Variants in MXRA7 observed in about 807,000 individuals in gnomAD.
MXRA7 encodes the protein matrix remodeling associated 7, also known as matrix-remodeling-associated protein 7.
A neutral mutation model predicts 17.4 loss-of-function variants in MXRA7; 18 were observed. That is an observed-to-expected ratio of 1.03 (90% CI 0.71 to 1.53). MXRA7 has a LOEUF of 1.53. Ranked by LOEUF, MXRA7 falls within the 40% of genes most tolerant of loss-of-function variation. The probability of loss-of-function intolerance (pLI) is 0.00; values close to 1 mark genes in which losing one functional copy is unlikely to be tolerated. For synonymous variants in MXRA7, 70 were observed against 101.7 expected (o/e 0.69, Z 1.87); for missense variants, 141 against 209.3 (o/e 0.67, Z 2.01).
At chr17:76,677,467 T>C, downstream of MXRA7, 1 of 665,250 alleles carries the variant, frequency 1.5e-6, no homozygotes, top group Non-Finnish European at 2.7e-6. Flanking sequence ...CTATAGAATG[T>C]ACGCCTGCAT....
intron 2 of MXRA7, among the ~76,000 whole-genome samples, chr17:76,686,996 G>A (rs1264908466): frequency 6.6e-6 from 1 of 152,148 alleles, no homozygotes; most frequent in Non-Finnish European, 1.5e-5. Flanking sequence ...CAGGGAGAGG[G>A]GTCTGCGAGC....
Position 76,710,786 on chromosome 17 carries a change from G to C in MXRA7, c.161C>G (p.Pro54Arg). Residue 54 changes from proline (P) to arginine (R), a missense_variant, in exon 1 of 4, where the codon CCG (proline) becomes CGG (arginine). Pro to Arg is a moderately radical substitution (Grantham distance 103). Coordinates refer to ENST00000449428, the MANE Select transcript of MXRA7 (RefSeq NM_198530.4). ...GGGGGCGCAGGGGCGGGACGGCGCC[G>C]GGGCCCCGGTGGCCTCGGCCGGGGG... is the stretch of plus-strand genomic sequence containing the variant. ...PAPPAEATGA[P>R]APSRPCAPEP... The C allele has an allele frequency of 1.1e-5, 11 of 980,438 alleles. No individual in the cohort carries two copies. The highest frequency in any genetic ancestry group is 1.8e-5 in the African/African-American group (1 of 56,488). 60.7% of individuals were successfully genotyped at this position (980,438 alleles called of 1,614,324 possible).
At chr17:76,700,625 C>T (rs942287141) in intron 1 of MXRA7, among the ~76,000 whole-genome samples, 8 of 152,186 alleles carry the variant, frequency 5.3e-5, no homozygotes, top group Admixed American at 3.3e-4. Flanking sequence ...GGCATTGTGG[C>T]GTATTTATTC....
rs1367894286 is a variant in MXRA7 at position 76,707,318 on chromosome 17, T to C, written c.342+3287A>G. Among the ~76,000 whole-genome samples, 4 of 85,706 alleles carry C rather than the reference T, an allele frequency of 4.7e-5. No individual in the cohort carries two copies. The East Asian group carries it at 1.2e-3, about 25-fold the overall frequency. 56.2% of individuals were successfully genotyped at this position (85,706 alleles called of 152,430 possible). ...TTTTTTTTTTTTTTTTTTTTTTTTT[T>C]TTTTGAGATGGAGTCTCGTTCTGTT... On this transcript the variant is annotated intron_variant, in intron 1 of 3. Transcript: ENST00000449428.
rs56067261 is a variant in MXRA7 at position 76,707,291 on chromosome 17, CTTTTTTTTTTTTTTTTT to C, written c.342+3297_342+3313del. ...CACTGCCTTGCAGGAAGTCCCTACTCTTTTTTTTTTTTTTTTTTTTTTTTTTTTTTTGAGATGGAGTC... is the reference window on the plus strand; with the variant it reads ...CACTGCCTTGCAGGAAGTCCCTACTCTTTTTTTTTTTTTTGAGATGGAGTC... On this transcript the variant is annotated intron_variant, in intron 1 of 3. Coordinates refer to ENST00000449428, the MANE Select transcript of MXRA7 (RefSeq NM_198530.4). Among the ~76,000 whole-genome samples the C allele has an allele frequency of 4.6e-4, 44 of 96,132 alleles. No homozygotes were observed. The South Asian group carries it at 0.013, about 29-fold the overall frequency. 63.1% of individuals were successfully genotyped at this position (96,132 alleles called of 152,430 possible).
intron 3 of MXRA7, chr17:76,683,710 G>A: frequency 1.5e-6 from 1 of 648,146 alleles, no homozygotes. Context: ...AGAATGAGAA[G>A]GGCTCAGGTG....
At chr17:76,698,040 G>A (rs963957897) in intron 1 of MXRA7, among the ~76,000 whole-genome samples, 3 of 152,184 alleles carry the variant, frequency 2.0e-5, no homozygotes, top group Non-Finnish European at 4.4e-5. Flanking sequence ...GTGGGGCAGT[G>A]CAAAGAAGGT....
At chr17:76,709,284 T>C (rs1483239369) in intron 1 of MXRA7, among the ~76,000 whole-genome samples, 1 of 151,914 alleles carries the variant, frequency 6.6e-6, no homozygotes, top group Non-Finnish European at 1.5e-5. Context: ...GAATCCCAAA[T>C]ATGGGAGCAA....
At chr17:76,674,012 C>G (rs1352688494) in exon 4 of MXRA7, 1 of 152,384 alleles carries the variant, frequency 6.6e-6, no homozygotes, top group Non-Finnish European at 1.5e-5. Context: ...GCAGGCCAGC[C>G]TGGGGCAGGG....
At chr17:76,688,003 A>ACCCCCCC in intron 2 of MXRA7, 110 bp downstream of exon 2, 1 of 641,514 alleles carries the variant, frequency 1.6e-6, no homozygotes, top group South Asian at 1.7e-5. Flanking sequence ...CCACTGTCCC[A>ACCCCCCC]CCCCATCCCT....
chr17:76,692,998 A>T (rs1412352447), intron 1 of MXRA7, among the ~76,000 whole-genome samples: 1 of 142,066 alleles, frequency 7.0e-6, no homozygotes, highest in Non-Finnish European at 1.6e-5. Flanking sequence ...AGACACTAGC[A>T]CATGCGGAGA....
chr17:76,701,925 A>G (rs2076595975), intron 1 of MXRA7, among the ~76,000 whole-genome samples: 1 of 152,208 alleles, frequency 6.6e-6, no homozygotes, highest in Admixed American at 6.5e-5. Flanking sequence ...GCAAGTTCCT[A>G]CAAAGAGGAT....
chr17:76,678,874 A>G (rs1182535116), downstream of MXRA7, among the ~76,000 whole-genome samples: 2 of 151,902 alleles, frequency 1.3e-5, no homozygotes, highest in Non-Finnish European at 2.9e-5. Context: ...CTAGAGCAGC[A>G]TCTAGTAGTT....
chr17:76,704,362 C>T (rs113709632), intron 1 of MXRA7, among the ~76,000 whole-genome samples: 68,412 of 149,706 alleles, frequency 0.46, 15,717 homozygotes, highest in Admixed American at 0.48. Context: ...CCCGCCACCA[C>T]GCCCGGCTAA....
chr17:76,688,012 C>CCCCCCCCCG, intron 2 of MXRA7, 101 bp downstream of exon 2: 2 of 945,712 alleles, frequency 2.1e-6, no homozygotes, highest in Non-Finnish European at 1.6e-6. Context: ...CACCCCATCC[C>CCCCCCCCCG]TCCCCTCGGC....
chr17:76,688,943 G>A (rs748672494), intron 1 of MXRA7: 35 of 246,596 alleles, frequency 1.4e-4, no homozygotes, highest in Admixed American at 4.4e-4. Context: ...AGCCAGCGTC[G>A]GCCGCTCACG....
chr17:76,689,049 G>A (rs1273210512), intron 1 of MXRA7: 3 of 160,670 alleles, frequency 1.9e-5, no homozygotes, highest in South Asian at 2.0e-4. Flanking sequence ...GGGGCCTTGA[G>A]CTCCTCTGAG....
downstream of MXRA7, chr17:76,676,369 A>G (rs866142759): frequency 4.6e-5 from 7 of 152,224 alleles, no homozygotes; most frequent in Non-Finnish European, 8.8e-5. Context: ...TAAAGTAAGT[A>G]TCCTGCTTAA....
intron 2 of MXRA7, among the ~76,000 whole-genome samples, chr17:76,686,727 C>T (rs544130312): frequency 1.2e-4 from 18 of 152,274 alleles, no homozygotes; most frequent in African/African-American, 3.9e-4. Context: ...GTGAATTCAC[C>T]TAGTCGCTCA....
Sources: allele counts gnomAD v4.1 joint callset (sites outside exome capture counted in the v4.1 genomes callset), GRCh38; gene constraint gnomAD v4.1.1; transcripts MANE v1.5; gene names NCBI Gene and HGNC (gene_info 2026-07-23, HGNC 2026-07-21).